Variants in DPP10 observed in about 807,000 individuals in gnomAD.
DPP10 encodes inactive dipeptidyl peptidase 10.
Under a neutral mutation model 120.9 loss-of-function variants are expected in DPP10, and 33 were observed. That is an observed-to-expected ratio of 0.27 (90% confidence interval 0.21 to 0.37). The LOEUF (loss-of-function observed/expected upper bound fraction) is 0.37, where lower values mean the gene tolerates loss of function less well. Ranked by LOEUF, DPP10 falls within the 10% of genes least tolerant of loss-of-function variation. The probability of loss-of-function intolerance (pLI) is 1.00; values close to 1 mark genes in which losing one functional copy is unlikely to be tolerated. For synonymous variants in DPP10, 337 were observed against 326.1 expected, an observed-to-expected ratio of 1.03 and a Z score of -0.36; for missense variants, 816 against 942.8, an observed-to-expected ratio of 0.87 and a Z score of 1.76.
intron 1 of DPP10, among the ~76,000 whole-genome samples, chr2:114,683,003 AC>A (rs1699129696): frequency 6.6e-6 from 1 of 151,888 alleles, no homozygotes; most frequent in Non-Finnish European, 1.5e-5. Context: ...AAACTGAAAG[AC>A]CCTGTATTTC....
intron 1 of DPP10, among the ~76,000 whole-genome samples, chr2:114,727,783 C>T (rs982693826): frequency 7.2e-5 from 11 of 152,266 alleles, no homozygotes; most frequent in East Asian, 1.9e-4. Flanking sequence ...AAATAGAATT[C>T]GCCAGCCTCT....
chr2:115,505,925 A>G (rs938983805), intron 4 of DPP10, among the ~76,000 whole-genome samples: 1 of 152,054 alleles, frequency 6.6e-6, no homozygotes, highest in Non-Finnish European at 1.5e-5. Context: ...TCTTCCATAT[A>G]TATCAGAACA....
At chr2:114,452,234 G>C (rs887154433) in intron 1 of DPP10, among the ~76,000 whole-genome samples, 1 of 152,016 alleles carries the variant, frequency 6.6e-6, no homozygotes, top group African/African-American at 2.4e-5. Flanking sequence ...TAATCTCGAA[G>C]AATACCTGGA....
rs1302551852 is a variant in DPP10 at position 114,865,415 on chromosome 2, A to G, written c.60+422577A>G. On this transcript the variant is annotated intron_variant, in intron 1 of 25. Transcript: ENST00000410059. The stretch of plus-strand genomic sequence containing the variant: ...GTGACTTGCTTGCAGAAAAGTTGAG[A>G]TAAATTCATAAATAAATCTATTACA... Among the ~76,000 whole-genome samples the G allele has an allele frequency of 2.6e-5, 4 of 152,230 alleles. No individual in the cohort carries two copies. The East Asian group carries it at 5.8e-4, about 22-fold the overall frequency.
chr2:115,679,805 AG>A (rs1270626427), intron 5 of DPP10, among the ~76,000 whole-genome samples: 12 of 152,178 alleles, frequency 7.9e-5, no homozygotes, highest in Non-Finnish European at 1.3e-4. Flanking sequence ...AGCTCACAGA[AG>A]TAAAGAGAAG....
chr2:115,712,706 G>T (rs575264922), intron 7 of DPP10, among the ~76,000 whole-genome samples: 3 of 150,624 alleles, frequency 2.0e-5, no homozygotes, highest in African/African-American at 7.3e-5. Context: ...CCAAAGTTAT[G>T]TAGGTGCTTC....
chr2:114,981,112 T>C (rs980213863), intron 1 of DPP10, among the ~76,000 whole-genome samples: 4 of 152,098 alleles, frequency 2.6e-5, no homozygotes, highest in Non-Finnish European at 4.4e-5. Flanking sequence ...GCAATTTGAC[T>C]GTATTTCTCA....
chr2:115,659,515 T>C (rs956486556), intron 5 of DPP10, among the ~76,000 whole-genome samples: 3 of 152,162 alleles, frequency 2.0e-5, no homozygotes, highest in Non-Finnish European at 4.4e-5. Context: ...TCTCTAAGGC[T>C]TCAAATATGA....
At chr2:115,690,353 T>C (rs1364802179) in intron 7 of DPP10, among the ~76,000 whole-genome samples, 1 of 152,228 alleles carries the variant, frequency 6.6e-6, no homozygotes, top group Non-Finnish European at 1.5e-5. Flanking sequence ...ATTTTTATTT[T>C]GAAATTATTA....
intron 1 of DPP10, among the ~76,000 whole-genome samples, chr2:114,453,553 T>A (rs1371827876): frequency 6.6e-6 from 1 of 152,158 alleles, no homozygotes; most frequent in Non-Finnish European, 1.5e-5. Flanking sequence ...GATTTGAAGT[T>A]CTTATACCTT....
rs1317821208 is a variant in DPP10 at position 114,546,095 on chromosome 2, T to G, written c.60+103257T>G. On this transcript the variant is annotated intron_variant, in intron 1 of 25. Coordinates refer to ENST00000410059, the MANE Select transcript of DPP10 (RefSeq NM_020868.6). ...TCATTCCATTCTTGAGAGTCATAAT[T>G]CAGCATTCCCCCCTGTATCAGTCCA... Among the ~76,000 whole-genome samples, 11 of 152,222 alleles carry G rather than the reference T, an allele frequency of 7.2e-5. No individual in the cohort carries two copies. In the South Asian group the frequency reaches 2.3e-3, roughly 32 times the overall value.
chr2:115,835,011 G>A (rs1393457094), intron 21 of DPP10, among the ~76,000 whole-genome samples: 5 of 128,520 alleles, frequency 3.9e-5, no homozygotes, highest in Middle Eastern at 4.0e-3. Flanking sequence ...GCGTGAACCC[G>A]GGGGGCGGAG....
At chr2:114,492,014 G>C (rs1682048722) in intron 1 of DPP10, among the ~76,000 whole-genome samples, 2 of 152,094 alleles carry the variant, frequency 1.3e-5, no homozygotes, top group South Asian at 4.1e-4. Context: ...TTTTACTCAA[G>C]AATTAGGAAG....
At chr2:114,982,723 C>T (rs1235801367) in intron 1 of DPP10, among the ~76,000 whole-genome samples, 3 of 151,824 alleles carry the variant, frequency 2.0e-5, no homozygotes, top group Non-Finnish European at 4.4e-5. Context: ...ACCTCAGCCT[C>T]CTGAATAGCT....
At chr2:115,382,755 C>T (rs544140586) in intron 3 of DPP10, among the ~76,000 whole-genome samples, 19 of 152,306 alleles carry the variant, frequency 1.2e-4, no homozygotes, top group South Asian at 8.3e-4. Context: ...TGCCACTTTC[C>T]ATTTACATTT....
chr2:115,500,531 C>A (rs1241507961), intron 4 of DPP10, among the ~76,000 whole-genome samples: 4 of 151,776 alleles, frequency 2.6e-5, no homozygotes, highest in Non-Finnish European at 5.9e-5. Context: ...TAAGAATATT[C>A]TGTTTAGTAT....
At chr2:115,368,273 T>C (rs980139610) in intron 3 of DPP10, among the ~76,000 whole-genome samples, 1 of 152,084 alleles carries the variant, frequency 6.6e-6, no homozygotes, top group African/African-American at 2.4e-5. Flanking sequence ...CAGTGTGCCA[T>C]ATTTCTCTCC....
At chr2:115,061,325 T>C (rs1441671282) in intron 1 of DPP10, among the ~76,000 whole-genome samples, 2 of 152,200 alleles carry the variant, frequency 1.3e-5, no homozygotes, top group African/African-American at 4.8e-5. Context: ...ATGAATCATT[T>C]ACTTTTTTTC....
At chr2:114,636,817 A>C (rs1357050007) in intron 1 of DPP10, among the ~76,000 whole-genome samples, 1 of 151,782 alleles carries the variant, frequency 6.6e-6, no homozygotes, top group African/African-American at 2.4e-5. Flanking sequence ...TTTTTGATAT[A>C]AGACTTTTGT....
Sources: gnomAD v4.1 joint callset for allele counts (sites outside exome capture counted in the v4.1 genomes callset) on GRCh38, gnomAD v4.1.1 for gene constraint, MANE v1.5 for transcripts, NCBI Gene and HGNC (gene_info 2026-07-23, HGNC 2026-07-21) for gene names.